Variants in HEATR5A observed in about 807,000 individuals in gnomAD.
HEATR5A encodes HEAT repeat-containing protein 5A.
In HEATR5A, 178 loss-of-function variants were observed where a neutral mutation model predicts 218.8. The observed-to-expected ratio is 0.81, with a 90% CI of 0.72 to 0.92. The LOEUF (loss-of-function observed/expected upper bound fraction) is 0.92, where lower values mean the gene tolerates loss of function less well. Among genes scored for constraint, HEATR5A ranks in the 40% least tolerant of loss-of-function variants. HEATR5A has a pLI of 0.00. For missense variants in HEATR5A, 2,420 were observed against 2,418.9 expected (o/e 1.00, Z -0.01); for synonymous variants, 864 against 871.6 (o/e 0.99, Z 0.15).
intron 22 of HEATR5A, among the ~76,000 whole-genome samples, chr14:31,327,663 T>C (rs1452105815): frequency 6.6e-6 from 1 of 152,180 alleles, no homozygotes; most frequent in Non-Finnish European, 1.5e-5. Flanking sequence ...CTTTAAAATA[T>C]ATTAACGTGA....
chr14:31,312,910 A>G, intron 28 of HEATR5A, 58 bp downstream of exon 28: 1 of 1,394,788 alleles, frequency 7.2e-7, no homozygotes, highest in Non-Finnish European at 9.9e-7. Context: ...ACAAAAAAAA[A>G]GAAAAGAAAA....
At chr14:31,377,394 T>C (rs1429953096) in intron 11 of HEATR5A, among the ~76,000 whole-genome samples, 1 of 137,386 alleles carries the variant, frequency 7.3e-6, no homozygotes, top group Admixed American at 7.7e-5. Flanking sequence ...ATATATAAAA[T>C]TCCATGAGCT....
At chr14:31,316,887 C>T (rs555727769) in intron 26 of HEATR5A, among the ~76,000 whole-genome samples, 9 of 152,184 alleles carry the variant, frequency 5.9e-5, no homozygotes, top group South Asian at 2.1e-4. Context: ...AGGATCTCCC[C>T]GTGTTGCCCA....
intron 6 of HEATR5A, among the ~76,000 whole-genome samples, chr14:31,390,064 A>G (rs2030388863): frequency 6.6e-6 from 1 of 152,152 alleles, no homozygotes; most frequent in African/African-American, 2.4e-5. Flanking sequence ...AATGTAGGGA[A>G]GAAATTAGTC....
intron 16 of HEATR5A, among the ~76,000 whole-genome samples, chr14:31,354,823 G>A (rs917002702): frequency 3.3e-5 from 5 of 152,034 alleles, no homozygotes; most frequent in African/African-American, 1.2e-4. Flanking sequence ...CTTTTTAGAG[G>A]GTATATAATG....
intron 22 of HEATR5A, among the ~76,000 whole-genome samples, chr14:31,326,575 GTTA>G (rs1900273820): frequency 6.6e-6 from 1 of 152,146 alleles, no homozygotes; most frequent in Non-Finnish European, 1.5e-5. Flanking sequence ...GTATTCATAT[GTTA>G]TTATTAATAT....
chr14:31,403,083 G>GTT, intron 1 of HEATR5A, 34 bp from the exon 2 acceptor site: 1 of 986,780 alleles, frequency 1.0e-6, no homozygotes, highest in Non-Finnish European at 1.4e-6. Context: ...TTTTAAAAGG[G>GTT]GGGTAAAAAG....
At chr14:31,359,200 A>C in intron 14 of HEATR5A, 143 bp from the exon 15 acceptor site, 1 of 774,514 alleles carries the variant, frequency 1.3e-6, no homozygotes. Flanking sequence ...TCATCCTTGA[A>C]AACTGCCCTA....
At chr14:31,397,271 G>C (rs1749426011) in intron 4 of HEATR5A, among the ~76,000 whole-genome samples, 1 of 151,810 alleles carries the variant, frequency 6.6e-6, no homozygotes, top group Non-Finnish European at 1.5e-5. Context: ...ATTACTTCAG[G>C]GCTGTTCTCT....
chr14:31,371,369 A>C (rs1290624954), intron 13 of HEATR5A, among the ~76,000 whole-genome samples: 1 of 152,158 alleles, frequency 6.6e-6, no homozygotes, highest in Non-Finnish European at 1.5e-5. Context: ...GAACTTTCAC[A>C]TGTTTTATTA....
chr14:31,314,346 G>A lies in HEATR5A; in HGVS notation c.4219-1156C>T, dbSNP rs576003529. On this transcript the variant is annotated intron_variant, in intron 27 of 35. Transcript: ENST00000543095. Reference sequence around the variant, plus strand: ...TGGCTCACTGCAACCTCTGCCTCCCGGGTTCAAGCAATTCTCCTGCCTCAG... The same window carrying A: ...TGGCTCACTGCAACCTCTGCCTCCCAGGTTCAAGCAATTCTCCTGCCTCAG... Among the ~76,000 whole-genome samples, 11 of 151,152 alleles carry A rather than the reference G, an allele frequency of 7.3e-5. No homozygotes were observed. In the South Asian group the frequency reaches 1.7e-3, roughly 23 times the overall value.
chr14:31,308,363 T>G (rs1899622976), intron 29 of HEATR5A, among the ~76,000 whole-genome samples: 1 of 151,906 alleles, frequency 6.6e-6, no homozygotes, highest in South Asian at 2.1e-4. Flanking sequence ...CAAAATTAGC[T>G]GGGCATGGTG....
intron 22 of HEATR5A, among the ~76,000 whole-genome samples, chr14:31,335,990 G>C (rs1189332388): frequency 6.9e-6 from 1 of 143,944 alleles, no homozygotes; most frequent in Admixed American, 7.0e-5. Flanking sequence ...TTTTTTTGGA[G>C]TCAGTGTTTT....
intron 6 of HEATR5A, among the ~76,000 whole-genome samples, chr14:31,391,150 G>A (rs1006183283): frequency 1.3e-4 from 20 of 152,164 alleles, no homozygotes; most frequent in Admixed American, 8.5e-4. Context: ...ATGTATCTAC[G>A]TTTTAAGCTA....
In HEATR5A at chr14:31,322,080, A is replaced by T. The variant is rs187463955; in HGVS notation, c.3788-400T>A. 4.5e-4 allele frequency among the ~76,000 whole-genome samples: 68 copies of T among 152,198 alleles called. No individual in the cohort carries two copies. The East Asian group carries it at 7.5e-3, about 17-fold the overall frequency. ...TGAAGCTAAGACATAATGTTCCTTT[A>T]AAAAAAAGTTTTATGCGGCTCTTTC... On this transcript the variant is annotated intron_variant, in intron 24 of 35. Coordinates refer to ENST00000543095, the MANE Select transcript of HEATR5A (RefSeq NM_015473.4).
chr14:31,350,717 C>G lies in HEATR5A; in HGVS notation c.2412G>C (p.Arg804Ser), dbSNP rs768578029. 7 of 1,474,078 alleles carry G rather than the reference C, an allele frequency of 4.7e-6. No individual in the cohort carries two copies. The South Asian group carries it at 4.8e-5, about 10-fold the overall frequency. 91.3% of individuals were successfully genotyped at this position (1,474,078 alleles called of 1,614,324 possible). ...VVCAHVGETQ[R>S]LLILEQLLDS... The stretch of plus-strand genomic sequence containing the variant: ...CCAAAAGCTGTTCCAATATAAGAAG[C>G]CTACAATCAGAAATAACAGGATTTA... Residue 804 changes from arginine (R) to serine (S), a missense_variant and splice_region_variant, in exon 17 of 36, where the codon AGG becomes AGC. Coordinates refer to ENST00000543095, the MANE Select transcript of HEATR5A (RefSeq NM_015473.4).
rs939512558 is a variant in HEATR5A, at chr14:31,387,411, T to C, written c.934-36A>G. The C allele has an allele frequency of 4.7e-6, 7 of 1,485,852 alleles. No homozygotes were observed. In the African/African-American group the frequency reaches 8.5e-5, roughly 18 times the overall value. The allele number at this position is 1,485,852 out of a possible 1,614,324, so 92.0% of individuals were successfully genotyped here. A position where few individuals can be genotyped will look rare whatever the true frequency, so the allele number is the denominator to read the frequency against. On this transcript the variant is annotated intron_variant, in intron 7 of 35. Coordinates refer to ENST00000543095, the MANE Select transcript of HEATR5A (RefSeq NM_015473.4). ...AAAGAGTTTTATTTTCAATATTAAA[T>C]TGTTTCAATTCTGTATTCTCCCCCA... is the stretch of plus-strand genomic sequence containing the variant.
chr14:31,395,173 A>G, intron 5 of HEATR5A, 26 bp downstream of exon 5: 1 of 1,419,984 alleles, frequency 7.0e-7, no homozygotes, highest in East Asian at 2.5e-5. Context: ...ATTAATTTTT[A>G]AAGTCTGCTT....
chr14:31,317,310 T>C (rs1368143457), intron 26 of HEATR5A, among the ~76,000 whole-genome samples: 1 of 135,062 alleles, frequency 7.4e-6, no homozygotes, highest in Non-Finnish European at 1.6e-5. Context: ...TTTTTTTTTT[T>C]TTTTTTTTTT....
Sources: gnomAD v4.1 joint callset for allele counts (sites outside exome capture counted in the v4.1 genomes callset) on GRCh38, gnomAD v4.1.1 for gene constraint, MANE v1.5 for transcripts, NCBI Gene and HGNC (gene_info 2026-07-23, HGNC 2026-07-21) for gene names.